Variants in UBR3 observed in about 807,000 individuals in gnomAD.
UBR3 encodes E3 ubiquitin-protein ligase UBR3.
In UBR3, 85 loss-of-function variants were observed where a neutral mutation model predicts 243.2. The observed-to-expected ratio is 0.35, with a 90% confidence interval of 0.29 to 0.42. UBR3 has a LOEUF of 0.42. UBR3 is among the 10% of genes least tolerant of loss of function. The pLI is 1.00. For missense variants in UBR3, 1,686 were observed against 2,300.8 expected (o/e 0.73, Z 5.47); for synonymous variants, 748 against 799.8 (o/e 0.94, Z 1.09).
chr2:169,895,134 T>C (rs1170242036), intron 6 of UBR3, 47 bp from the exon 7 acceptor site: 1 of 1,456,806 alleles, frequency 6.9e-7, no homozygotes, highest in East Asian at 2.6e-5. Context: ...TAAAATGAGA[T>C]GAGCAACTTC....
At chr2:169,836,067 A>ATATATATAT (rs1558999159) in intron 1 of UBR3, among the ~76,000 whole-genome samples, 1 of 32,666 alleles carries the variant, frequency 3.1e-5, no homozygotes, top group Non-Finnish European at 5.1e-5. Flanking sequence ...ATATATATAT[A>ATATATATAT]TTTTTTTTTT....
intron 34 of UBR3, 23 bp from the exon 35 acceptor site, chr2:170,061,295 C>A (rs201048543): frequency 1.2e-6 from 2 of 1,607,506 alleles, no homozygotes; most frequent in Non-Finnish European, 1.7e-6. Context: ...CTGACTTGTT[C>A]AAATTTTCTT....
intron 32 of UBR3, among the ~76,000 whole-genome samples, chr2:170,053,009 A>G (rs983990326): frequency 6.6e-6 from 1 of 152,232 alleles, no homozygotes; most frequent in Non-Finnish European, 1.5e-5. Context: ...AGGAAAAATA[A>G]AAGATCATTC....
chr2:169,875,282 G>T (rs1481282025), intron 2 of UBR3, among the ~76,000 whole-genome samples: 1 of 151,988 alleles, frequency 6.6e-6, no homozygotes, highest in African/African-American at 2.4e-5. Flanking sequence ...ATCTTATGAT[G>T]ACATTTATAT....
chr2:170,042,280 T>A (rs2090987504), intron 32 of UBR3, among the ~76,000 whole-genome samples: 1 of 152,206 alleles, frequency 6.6e-6, no homozygotes, highest in South Asian at 2.1e-4. Flanking sequence ...TTTATCCATG[T>A]TATGGCATGT....
At chr2:169,947,885 T>C in intron 22 of UBR3, 170 bp downstream of exon 22, 2 of 985,112 alleles carry the variant, frequency 2.0e-6, no homozygotes, top group Non-Finnish European at 2.4e-6. Flanking sequence ...CTTACCAGTC[T>C]TTTTCCCTTA....
chr2:169,911,800 T>C (rs1454017902), intron 10 of UBR3, among the ~76,000 whole-genome samples: 1 of 152,194 alleles, frequency 6.6e-6, no homozygotes, highest in Non-Finnish European at 1.5e-5. Context: ...AGTTACCTGC[T>C]ACTTTAGTTT....
intron 18 of UBR3, among the ~76,000 whole-genome samples, chr2:169,932,585 A>G (rs1269215336): frequency 6.6e-6 from 1 of 152,102 alleles, no homozygotes; most frequent in Non-Finnish European, 1.5e-5. Flanking sequence ...ACTCTCAGAG[A>G]TCCTAACCTG....
At chr2:170,071,044 G>A (rs2091686795) in intron 35 of UBR3, among the ~76,000 whole-genome samples, 1 of 152,136 alleles carries the variant, frequency 6.6e-6, no homozygotes, top group Non-Finnish European at 1.5e-5. Flanking sequence ...GTTCATTAGA[G>A]AAGTACCAAT....
At chr2:169,845,035 C>T (rs2082421453) in intron 1 of UBR3, among the ~76,000 whole-genome samples, 1 of 152,130 alleles carries the variant, frequency 6.6e-6, no homozygotes, top group Non-Finnish European at 1.5e-5. Flanking sequence ...GTACAGGCAT[C>T]CCACATTTTT....
At chr2:170,028,611 G>T (rs1383684190) in intron 30 of UBR3, among the ~76,000 whole-genome samples, 6 of 150,534 alleles carry the variant, frequency 4.0e-5, no homozygotes, top group African/African-American at 1.2e-4. Context: ...TTATTATTCT[G>T]TGTGGCAGAA....
At chr2:170,062,684 T>C (rs905731120) in intron 35 of UBR3, among the ~76,000 whole-genome samples, 1 of 152,214 alleles carries the variant, frequency 6.6e-6, no homozygotes, top group Non-Finnish European at 1.5e-5. Context: ...TTTTTTCACA[T>C]TTAAAGGCCA....
chr2:169,905,332 A>G, intron 9 of UBR3, 39 bp downstream of exon 9: 1 of 1,397,318 alleles, frequency 7.2e-7, no homozygotes, highest in African/African-American at 1.5e-5. Context: ...TTGGTTTACA[A>G]AATTCCTAAT....
At chr2:169,933,975 C>T (rs1161424946) in intron 19 of UBR3, among the ~76,000 whole-genome samples, 1 of 152,216 alleles carries the variant, frequency 6.6e-6, no homozygotes, top group African/African-American at 2.4e-5. Flanking sequence ...CTGAGGTTCT[C>T]TTTCTCTGGT....
chr2:169,914,141 G>A lies in UBR3; in HGVS notation c.1861G>A (p.Asp621Asn). ...CTGGTTTGATGCTATTAACTTCGTA[G>A]ACGAGGTATGTATATTTTTGATGTA... ...QDWFDAINFV[D>N]EPAPNQVTFH... The change falls in exon 11 of 39, where the codon GAC becomes AAC. Residue 621 changes from aspartate (D) to asparagine (N), a missense_variant. By Grantham distance (23) the Asp-to-Asn change is conservative (BLOSUM62 1). This residue lies in a region of UBR3 where 346 missense variants were observed against 585.8 expected (regional missense o/e 0.59). Transcript: ENST00000272793. 1 of 1,494,758 alleles carries A rather than the reference G, an allele frequency of 6.7e-7. No homozygotes were observed. Among genetic ancestry groups the A allele is most frequent in the Non-Finnish European group, 8.9e-7 (1 of 1,119,900 alleles). The allele number at this position is 1,494,758 out of a possible 1,614,324, so 92.6% of individuals were successfully genotyped here. A position where few individuals can be genotyped will look rare whatever the true frequency, so the allele number is the denominator to read the frequency against.
intron 36 of UBR3, among the ~76,000 whole-genome samples, chr2:170,075,810 G>A (rs1009783197): frequency 3.3e-5 from 5 of 151,446 alleles, no homozygotes; most frequent in African/African-American, 1.2e-4. Flanking sequence ...AACTGTCTGT[G>A]AATTACTACT....
intron 25 of UBR3, among the ~76,000 whole-genome samples, chr2:169,992,122 A>C (rs2089300852): frequency 6.6e-6 from 1 of 152,234 alleles, no homozygotes; most frequent in Admixed American, 6.5e-5. Flanking sequence ...TTATAGGAGA[A>C]TACTATGACC....
intron 24 of UBR3, chr2:169,964,436 C>T (rs187206840): frequency 2.1e-5 from 10 of 470,158 alleles, no homozygotes; most frequent in Admixed American, 9.4e-5. Flanking sequence ...AATTAAGCAA[C>T]GTACCCAGAG....
chr2:169,849,238 TCAATGAA>T (rs2082583020), intron 1 of UBR3, among the ~76,000 whole-genome samples: 1 of 152,234 alleles, frequency 6.6e-6, no homozygotes, highest in Non-Finnish European at 1.5e-5. Context: ...ACTACTGGGC[TCAATGAA>T]CACAATAAGG....
Sources: gnomAD v4.1 joint callset for allele counts (sites outside exome capture counted in the v4.1 genomes callset) on GRCh38, gnomAD v4.1.1 for gene constraint, gnomAD v4.1.1 regional missense constraint, MANE v1.5 for transcripts, NCBI Gene and HGNC (gene_info 2026-07-23, HGNC 2026-07-21) for gene names.